Variants in LY75 observed in about 807,000 individuals in gnomAD.
LY75 encodes the protein lymphocyte antigen 75.
LY75 carries 185 observed loss-of-function variants against 231.7 expected under a neutral mutation model. The observed-to-expected ratio is 0.80, with a 90% CI of 0.71 to 0.90. The LOEUF is 0.90. LY75 is among the 40% of genes least tolerant of loss of function. LY75 has a pLI of 0.00. For missense variants in LY75, 1,947 were observed against 2,050.2 expected (o/e 0.95, Z 0.97); for synonymous variants, 668 against 689.0 (o/e 0.97, Z 0.48).
In LY75 at chr2:159,878,730, G is replaced by A. The variant is rs1043957890; in HGVS notation, c.1516-9C>T. 3.0e-5 allele frequency: 49 copies of A among 1,613,434 alleles called. No homozygotes were observed. The highest frequency in any genetic ancestry group is 4.0e-5 in the Non-Finnish European group (47 of 1,179,768). ...CCATGTCTCTTCCAGCCCTAAGTCAGAGGAAAAATATTGTCAAACTCTTTT... is the reference window on the plus strand; with the variant it reads ...CCATGTCTCTTCCAGCCCTAAGTCAAAGGAAAAATATTGTCAAACTCTTTT... On this transcript the variant is annotated splice_polypyrimidine_tract_variant and intron_variant, in intron 9 of 34. Coordinates refer to ENST00000263636, the MANE Select transcript of LY75 (RefSeq NM_002349.4).
intron 21 of LY75, among the ~76,000 whole-genome samples, chr2:159,851,411 T>C (rs1684398127): frequency 6.6e-6 from 1 of 152,178 alleles, no homozygotes; most frequent in Non-Finnish European, 1.5e-5. Flanking sequence ...CTACCCAATG[T>C]GGACAAACTC....
intron 23 of LY75, among the ~76,000 whole-genome samples, chr2:159,844,557 A>T (rs1402604149): frequency 6.6e-6 from 1 of 152,050 alleles, no homozygotes; most frequent in Non-Finnish European, 1.5e-5. Context: ...AAATTCTAGC[A>T]TATGTGGTGA....
At chr2:159,827,373 C>T (rs1331554921) in intron 28 of LY75, among the ~76,000 whole-genome samples, 7 of 152,048 alleles carry the variant, frequency 4.6e-5, no homozygotes, top group East Asian at 3.9e-4. Context: ...CATCATCACT[C>T]GTCATTAGAG....
chr2:159,899,148 T>C (rs570071159), intron 1 of LY75, 89 bp from the exon 2 acceptor site: 35 of 1,528,654 alleles, frequency 2.3e-5, no homozygotes, highest in Admixed American at 3.9e-5. Context: ...ACTACTGGAC[T>C]GTTCCCATCC....
chr2:159,810,467 C>A, intron 32 of LY75, 59 bp downstream of exon 32: 3 of 1,574,196 alleles, frequency 1.9e-6, no homozygotes, highest in South Asian at 1.2e-5. Context: ...AAATTATATC[C>A]TTAAGAAACA....
intron 12 of LY75, among the ~76,000 whole-genome samples, chr2:159,874,657 AAT>A (rs1448628725): frequency 2.2e-4 from 27 of 124,444 alleles, no homozygotes; most frequent in Non-Finnish European, 3.1e-4. Flanking sequence ...ATATTTTGTA[AAT>A]ATATATATAT....
intron 7 of LY75, 62 bp downstream of exon 7, chr2:159,882,062 T>C: frequency 6.5e-7 from 1 of 1,544,246 alleles, no homozygotes; most frequent in Non-Finnish European, 8.7e-7. Flanking sequence ...ACAAAGAGTC[T>C]AAAACCAGGG....
chr2:159,849,908 A>C, intron 23 of LY75, 72 bp downstream of exon 23: 1 of 1,541,574 alleles, frequency 6.5e-7, no homozygotes, highest in Non-Finnish European at 8.7e-7. Context: ...GGTTTTGCTT[A>C]GTCCAAAAAT....
intron 28 of LY75, among the ~76,000 whole-genome samples, chr2:159,822,377 G>A (rs1166936701): frequency 6.6e-6 from 1 of 152,240 alleles, no homozygotes; most frequent in African/African-American, 2.4e-5. Flanking sequence ...CATTGCTGAG[G>A]CTCGAGTAGG....
At chr2:159,808,897 T>C (rs951516751) in intron 32 of LY75, among the ~76,000 whole-genome samples, 1 of 152,202 alleles carries the variant, frequency 6.6e-6, no homozygotes, top group Non-Finnish European at 1.5e-5. Flanking sequence ...AACCTCCCAA[T>C]GCCACTTAGC....
At chr2:159,887,566 CAAAAAAAA>C (rs369452762) in intron 4 of LY75, among the ~76,000 whole-genome samples, 16 of 103,834 alleles carry the variant, frequency 1.5e-4, no homozygotes, top group African/African-American at 6.4e-4. Context: ...TCAACAACAA[CAAAAAAAA>C]AAAAAAAAAA....
Position 159,874,640 on chromosome 2 carries a change from A to AAT in LY75, c.1974+802_1974+803dup, listed in dbSNP as rs368459711. 4.3e-4 allele frequency among the ~76,000 whole-genome samples: 4 copies of AAT among 9,232 alleles called. No individual in the cohort carries two copies. In the South Asian group the frequency reaches 6.6e-3, roughly 15 times the overall value. The allele number at this position is 9,232 out of a possible 152,430, so 6.1% of individuals were successfully genotyped here. On this transcript the variant is annotated intron_variant, in intron 12 of 34. Transcript: ENST00000263636. ...AATATATATATAGTAAATATATGTA[A>AAT]ATATATATATTTTGTAAATATATAT...
intron 28 of LY75, 53 bp from the exon 29 acceptor site, chr2:159,819,973 T>C: frequency 1.3e-6 from 2 of 1,487,174 alleles, no homozygotes; most frequent in Non-Finnish European, 1.8e-6. Context: ...AGACTTGAAT[T>C]ACACTTATAC....
intron 26 of LY75, among the ~76,000 whole-genome samples, chr2:159,835,183 T>C (rs151059433): frequency 9.9e-5 from 15 of 152,204 alleles, no homozygotes; most frequent in Non-Finnish European, 1.9e-4. Flanking sequence ...ATGTAAGCTT[T>C]CTACAACTAT....
At position 159,835,597 on chromosome 2, in the gene LY75, G is replaced by A. The variant is rs367772180; in HGVS notation, c.3556C>T (p.Arg1186Cys). 25 of 1,613,514 alleles carry A rather than the reference G, an allele frequency of 1.5e-5. No homozygotes were observed. The highest frequency in any genetic ancestry group is 5.0e-5 in the Admixed American group (3 of 59,932). Reference sequence around the variant, plus strand: ...AGTTGCCCATTAGTTTCAGCCCAGCGACTAAAATGAAGACGTTTCCCATCT... The same window carrying A: ...AGTTGCCCATTAGTTTCAGCCCAGCAACTAAAATGAAGACGTTTCCCATCT... ...WSDGKRLHFS[R>C]WAETNGQLED... Residue 1186 changes from arginine to cysteine, a missense_variant, in exon 26 of 35, where the codon CGC (arginine) becomes TGC (cysteine). Arg to Cys is a radical substitution (Grantham distance 180). Transcript: ENST00000263636.
rs188126737 is a variant in LY75 at position 159,807,748 on chromosome 2, T to C, written c.4823-608A>G. The C allele has an allele frequency of 2.7e-4, 256 of 948,302 alleles. No homozygotes were observed. The African/African-American group carries it at 4.3e-3, about 16-fold the overall frequency. The allele number at this position is 948,302 out of a possible 1,614,324, so 58.7% of individuals were successfully genotyped here. On this transcript the variant is annotated intron_variant, in intron 33 of 34. Transcript: ENST00000263636. ...TTTTAAAATTCACATTTTAATAATT[T>C]AAAATTCAACTTTGCATAAAATGTG...
intron 30 of LY75, among the ~76,000 whole-genome samples, chr2:159,816,168 C>T (rs984439765): frequency 6.6e-6 from 1 of 152,130 alleles, no homozygotes; most frequent in African/African-American, 2.4e-5. Flanking sequence ...CAACTCTAGT[C>T]TCAATAGATA....
intron 29 of LY75, 101 bp from the exon 30 acceptor site, chr2:159,817,133 G>T: frequency 1.2e-5 from 15 of 1,257,848 alleles, no homozygotes; most frequent in Non-Finnish European, 1.4e-5. Context: ...AATAAAACTG[G>T]GTTTCTTATT....
Position 159,898,694 on chromosome 2 carries a change from A to G in LY75, c.460T>C (p.Tyr154His), listed in dbSNP as rs774823067. 7.1e-5 allele frequency: 115 copies of G among 1,611,398 alleles called. No individual in the cohort carries two copies. The highest frequency in any genetic ancestry group is 9.3e-5 in the Non-Finnish European group (110 of 1,177,976). The change falls in exon 2 of 35, where the codon TAT becomes CAT. Residue 154 changes from tyrosine (Y) to histidine (H), a missense_variant. Coordinates refer to ENST00000263636, the MANE Select transcript of LY75 (RefSeq NM_002349.4). ...GTCCCTCTCTAATACTCACCATGAT[A>G]AGGCTGGTCACAAAGGCTTTCCTCT... Reference protein sequence around the residue: ...GSEESLCDQPYHEIYTRDGNS... With the variant: ...GSEESLCDQPHHEIYTRDGNS...
Sources: gnomAD v4.1 joint callset for allele counts (sites outside exome capture counted in the v4.1 genomes callset) on GRCh38, gnomAD v4.1.1 for gene constraint, MANE v1.5 for transcripts, NCBI Gene and HGNC (gene_info 2026-07-23, HGNC 2026-07-21) for gene names.